Variants in SPATA16 observed in about 807,000 individuals in gnomAD.
SPATA16 encodes spermatogenesis associated 16, also known as spermatogenesis-associated protein 16.
SPATA16 carries 36 observed loss-of-function variants against 63.3 expected under a neutral mutation model. The observed-to-expected ratio is 0.57, with a 90% CI of 0.44 to 0.75. SPATA16 has a LOEUF of 0.75. Ranked by LOEUF, SPATA16 falls within the 30% of genes least tolerant of loss-of-function variation. The pLI is 0.00. For missense variants in SPATA16, 646 were observed against 679.3 expected, an observed-to-expected ratio of 0.95 and a Z score of 0.54; for synonymous variants, 203 against 216.7, an observed-to-expected ratio of 0.94 and a Z score of 0.56.
At chr3:173,051,349 A>C (rs533905256) in intron 2 of SPATA16, among the ~76,000 whole-genome samples, 1 of 150,622 alleles carries the variant, frequency 6.6e-6, no homozygotes. Flanking sequence ...ATTACAGGCA[A>C]GTGCCACCAC....
chr3:173,139,276 C>T (rs1738635108), intron 1 of SPATA16, among the ~76,000 whole-genome samples: 1 of 152,160 alleles, frequency 6.6e-6, no homozygotes, highest in Non-Finnish European at 1.5e-5. Context: ...ACAGATGGCT[C>T]ATGCTCATTC....
At chr3:173,006,458 C>A (rs1013226266) in intron 4 of SPATA16, among the ~76,000 whole-genome samples, 1 of 152,110 alleles carries the variant, frequency 6.6e-6, no homozygotes, top group African/African-American at 2.4e-5. Context: ...AAAAAATCTG[C>A]GATGTATTTT....
At chr3:172,965,894 T>C (rs1035511731) in intron 5 of SPATA16, among the ~76,000 whole-genome samples, 1 of 152,174 alleles carries the variant, frequency 6.6e-6, no homozygotes, top group Non-Finnish European at 1.5e-5. Flanking sequence ...ATTATTTCTT[T>C]AATTTGTCTG....
chr3:172,940,115 C>T (rs1560073308), intron 6 of SPATA16, among the ~76,000 whole-genome samples: 1 of 152,198 alleles, frequency 6.6e-6, no homozygotes, highest in East Asian at 1.9e-4. Context: ...CTATCTTGCT[C>T]TGTGCATCTC....
At chr3:173,057,224 G>C (rs1364168050) in intron 2 of SPATA16, among the ~76,000 whole-genome samples, 1 of 151,024 alleles carries the variant, frequency 6.6e-6, no homozygotes, top group Non-Finnish European at 1.5e-5. Context: ...CCATTCTCCT[G>C]CCTCAGCCTC....
intron 2 of SPATA16, among the ~76,000 whole-genome samples, chr3:173,061,814 C>T (rs190772838): frequency 1.1e-3 from 161 of 152,166 alleles, no homozygotes; most frequent in African/African-American, 3.5e-3. Flanking sequence ...TCCCTGGGAG[C>T]GACAGAATAT....
At chr3:173,132,974 A>G (rs574783826) in intron 1 of SPATA16, among the ~76,000 whole-genome samples, 57 of 152,312 alleles carry the variant, frequency 3.7e-4, no homozygotes, top group African/African-American at 1.2e-3. Context: ...TATAGTGCTT[A>G]AGAAAGCTAC....
intron 2 of SPATA16, among the ~76,000 whole-genome samples, chr3:173,057,304 G>A (rs1016500640): frequency 2.6e-5 from 4 of 151,694 alleles, no homozygotes; most frequent in African/African-American, 9.7e-5. Flanking sequence ...TAGTAAAGAC[G>A]GGGTTTCACC....
chr3:173,102,472 C>G (rs73880441), intron 2 of SPATA16, among the ~76,000 whole-genome samples: 5,004 of 152,242 alleles, frequency 0.033, 285 homozygotes, highest in African/African-American at 0.11. Context: ...TGGTGGAAGG[C>G]TAAGCAGGAG....
rs545821472 is a variant in SPATA16 at position 173,103,362 on chromosome 3, C to G, written c.612+13758G>C. Among the ~76,000 whole-genome samples, 100 of 152,362 alleles carry G rather than the reference C, an allele frequency of 6.6e-4. 1 individual carries two copies. The highest frequency in any genetic ancestry group is 2.4e-3 in the African/African-American group (99 of 41,594). The stretch of plus-strand genomic sequence containing the variant: ...TCTGCACTGCCCTAGCAGAGCATCT[C>G]TGTGGGGGCTCTGTCCCTGCAGCAG... On this transcript the variant is annotated intron_variant, in intron 2 of 10. Transcript: ENST00000351008.
At chr3:173,095,929 G>A (rs1043899830) in intron 2 of SPATA16, among the ~76,000 whole-genome samples, 3 of 151,906 alleles carry the variant, frequency 2.0e-5, no homozygotes, top group Admixed American at 1.3e-4. Context: ...ATTAGACTTG[G>A]TGCATTAGAA....
intron 2 of SPATA16, among the ~76,000 whole-genome samples, chr3:173,069,970 T>C (rs79503297): frequency 6.8e-6 from 1 of 148,044 alleles, no homozygotes; most frequent in South Asian, 2.1e-4. Context: ...AAAAAAAAAC[T>C]GGGTGTAGAG....
In SPATA16 at chr3:173,031,668, T is replaced by G. The variant is rs370252027; in HGVS notation, c.759-12093A>C. Among the ~76,000 whole-genome samples the G allele has an allele frequency of 5.9e-5, 9 of 152,154 alleles. 1 individual carries two copies. The highest frequency in any genetic ancestry group is 1.3e-4 in the Admixed American group (2 of 15,262). ...TAAAAAATGAGAATAGAAAGAAAAC[T>G]TATGCAACAGTGCTGTCACTATACA... On this transcript the variant is annotated intron_variant, in intron 3 of 10. Coordinates refer to ENST00000351008, the MANE Select transcript of SPATA16 (RefSeq NM_031955.6).
intron 4 of SPATA16, among the ~76,000 whole-genome samples, chr3:172,977,818 T>C (rs995413895): frequency 6.6e-6 from 1 of 152,158 alleles, no homozygotes; most frequent in African/African-American, 2.4e-5. Flanking sequence ...CAATTAAACA[T>C]ATAATAATCC....
chr3:173,081,117 T>G (rs1174996579), intron 2 of SPATA16, among the ~76,000 whole-genome samples: 1 of 152,202 alleles, frequency 6.6e-6, no homozygotes, highest in African/African-American at 2.4e-5. Flanking sequence ...AAATCTTATC[T>G]GTAGATTTCT....
chr3:173,063,028 G>A (rs7641894), intron 2 of SPATA16, among the ~76,000 whole-genome samples: 3 of 151,940 alleles, frequency 2.0e-5, no homozygotes, highest in African/African-American at 7.2e-5. Flanking sequence ...GCCACGATTG[G>A]GGACCCCTGT....
chr3:173,039,538 A>C lies in SPATA16; in HGVS notation c.758+9411T>G, dbSNP rs114680169. On this transcript the variant is annotated intron_variant, in intron 3 of 10. Coordinates refer to ENST00000351008, the MANE Select transcript of SPATA16 (RefSeq NM_031955.6). ...CATTGTTTCATAACAATACCACTCC[A>C]TTATGCTCATATATTGTTTCCTCAT... Among the ~76,000 whole-genome samples, 1,490 of 152,276 alleles carry C rather than the reference A, an allele frequency of 9.8e-3. 24 individuals are homozygous for C. The highest frequency in any genetic ancestry group is 0.033 in the African/African-American group (1,368 of 41,574).
intron 4 of SPATA16, among the ~76,000 whole-genome samples, chr3:172,982,501 A>G (rs538140083): frequency 6.6e-6 from 1 of 152,204 alleles, no homozygotes; most frequent in Admixed American, 6.5e-5. Context: ...CCTGCAAGGA[A>G]ATGTTCACAT....
chr3:172,910,763 T>C (rs967627404), intron 10 of SPATA16, among the ~76,000 whole-genome samples: 7 of 152,188 alleles, frequency 4.6e-5, no homozygotes, highest in African/African-American at 1.7e-4. Flanking sequence ...CCCTCTTCTC[T>C]CCTTACTCTA....
Sources: gnomAD v4.1 joint callset for allele counts (sites outside exome capture counted in the v4.1 genomes callset) on GRCh38, gnomAD v4.1.1 for gene constraint, MANE v1.5 for transcripts, NCBI Gene and HGNC (gene_info 2026-07-23, HGNC 2026-07-21) for gene names.